SMIM36: variants seen among roughly 807,000 people sequenced by gnomAD.
SMIM36 encodes the protein small integral membrane protein 36.
intron 1 of SMIM36, among the ~76,000 whole-genome samples, chr17:55,509,099 C>G (rs2144723867): frequency 6.6e-6 from 1 of 152,006 alleles, no homozygotes; most frequent in East Asian, 1.9e-4. Flanking sequence ...AACCTGAAAA[C>G]AAAGTAACTG....
chr17:55,470,754 C>A (rs1221500453), intron 3 of SMIM36, among the ~76,000 whole-genome samples: 1 of 152,056 alleles, frequency 6.6e-6, no homozygotes, highest in East Asian at 1.9e-4. Flanking sequence ...ACCTCTATTC[C>A]CTCCTTGGTG....
intron 1 of SMIM36, among the ~76,000 whole-genome samples, chr17:55,492,466 G>A (rs1181395758): frequency 2.0e-5 from 3 of 151,192 alleles, no homozygotes; most frequent in Non-Finnish European, 2.9e-5. Context: ...GGATGGTCAC[G>A]ATCTCTTGAC....
chr17:55,521,350 A>G, the SMIM36 span, among the ~76,000 whole-genome samples: 1 of 152,186 alleles, frequency 6.6e-6, no homozygotes, highest in South Asian at 2.1e-4. Context: ...CATGCTAGCT[A>G]CCCTGTTTTA....
At chr17:55,487,023 G>A (rs1909618627) in intron 1 of SMIM36, among the ~76,000 whole-genome samples, 1 of 152,208 alleles carries the variant, frequency 6.6e-6, no homozygotes, top group African/African-American at 2.4e-5. Flanking sequence ...GCCTCTGGCT[G>A]CGAGTTGCTT....
chr17:55,468,240 C>T (rs1033542380), intron 3 of SMIM36: 3 of 152,420 alleles, frequency 2.0e-5, no homozygotes, highest in African/African-American at 7.2e-5. Flanking sequence ...TCTTCGCCCT[C>T]ACTCCGTGAG....
rs1380727835 is a variant in SMIM36 at position 55,501,794 on chromosome 17, T to A, written c.*174+9085A>T. Among the ~76,000 whole-genome samples, 4 of 151,282 alleles carry A rather than the reference T, an allele frequency of 2.6e-5. No individual in the cohort carries two copies. The East Asian group carries it at 7.8e-4, about 30-fold the overall frequency. On this transcript the variant is annotated intron_variant, in intron 1 of 4. Coordinates refer to ENST00000636752, the Ensembl canonical transcript of SMIM36. Reference sequence around the variant, plus strand: ...CGTGACCGACGCAGAAGACCGGTGATTTCTGCATTTCCATCTGAGGTACCG... The same window carrying A: ...CGTGACCGACGCAGAAGACCGGTGAATTCTGCATTTCCATCTGAGGTACCG...
the SMIM36 span, among the ~76,000 whole-genome samples, chr17:55,522,736 T>C: frequency 6.6e-6 from 1 of 152,176 alleles, no homozygotes; most frequent in Non-Finnish European, 1.5e-5. Flanking sequence ...CCTTTTCTCC[T>C]TTATTCTGCT....
chr17:55,484,444 G>A (rs1909571851), intron 1 of SMIM36, among the ~76,000 whole-genome samples: 1 of 152,188 alleles, frequency 6.6e-6, no homozygotes, highest in South Asian at 2.1e-4. Context: ...GAGATGAAAG[G>A]TAGACGAAGA....
intron 1 of SMIM36, among the ~76,000 whole-genome samples, chr17:55,480,313 T>C (rs950621892): frequency 6.6e-6 from 1 of 152,146 alleles, no homozygotes; most frequent in Admixed American, 6.5e-5. Context: ...TGCTAAATGT[T>C]TGGAAGCACA....
the SMIM36 span, among the ~76,000 whole-genome samples, chr17:55,530,908 G>A: frequency 6.6e-6 from 1 of 152,174 alleles, no homozygotes; most frequent in East Asian, 1.9e-4. Flanking sequence ...CCTTAGGCAA[G>A]TTCAACTATT....
At chr17:55,458,944 T>A (rs2143235432) in intron 4 of SMIM36, among the ~76,000 whole-genome samples, 1 of 152,274 alleles carries the variant, frequency 6.6e-6, no homozygotes, top group South Asian at 2.1e-4. Context: ...TCTGTCCTTG[T>A]GATAAGGAAG....
the SMIM36 span, among the ~76,000 whole-genome samples, chr17:55,520,095 C>T: frequency 2.7e-4 from 41 of 152,282 alleles, no homozygotes; most frequent in East Asian, 6.8e-3. Flanking sequence ...CTTCTCATGG[C>T]TACTGGTATT....
the SMIM36 span, chr17:55,527,205 A>C: frequency 6.6e-6 from 1 of 152,240 alleles, no homozygotes; most frequent in Non-Finnish European, 1.5e-5. Context: ...GAAAAAGAGA[A>C]AGGAAAAGTT....
chr17:55,517,815 T>A, the SMIM36 span, among the ~76,000 whole-genome samples: 4 of 152,188 alleles, frequency 2.6e-5, no homozygotes, highest in Non-Finnish European at 5.9e-5. Flanking sequence ...ATTTTAGACT[T>A]ATCAATATAT....
chr17:55,469,140 C>A (rs1909296553), intron 3 of SMIM36, among the ~76,000 whole-genome samples: 1 of 152,090 alleles, frequency 6.6e-6, no homozygotes, highest in African/African-American at 2.4e-5. Context: ...CCTCCCCAGG[C>A]TGCTCCTCAC....
intron 1 of SMIM36, among the ~76,000 whole-genome samples, chr17:55,499,428 C>A (rs9899292): frequency 0.52 from 79,469 of 152,006 alleles, 21,399 homozygotes; most frequent in African/African-American, 0.65. Flanking sequence ...GCCTTGTGCA[C>A]ACTCGAGCTG....
chr17:55,526,034 CA>C, the SMIM36 span, among the ~76,000 whole-genome samples: 1 of 152,078 alleles, frequency 6.6e-6, no homozygotes, highest in Non-Finnish European at 1.5e-5. Context: ...CAAATGTGGC[CA>C]ACAAGGCCAT....
upstream of SMIM36, among the ~76,000 whole-genome samples, chr17:55,511,628 A>G (rs1598460326): frequency 6.6e-6 from 1 of 152,234 alleles, no homozygotes; most frequent in African/African-American, 2.4e-5. Flanking sequence ...ATCATGGTAT[A>G]TAAGTAGAGC....
intron 1 of SMIM36, among the ~76,000 whole-genome samples, chr17:55,482,064 C>G (rs1909529746): frequency 6.6e-6 from 1 of 152,160 alleles, no homozygotes; most frequent in South Asian, 2.1e-4. Context: ...CTCCATTGAG[C>G]TGACCAACCA....
Sources: gnomAD v4.1 joint callset for allele counts (sites outside exome capture counted in the v4.1 genomes callset) on GRCh38, gnomAD v4.1.1 for gene constraint, MANE v1.5 for transcripts, NCBI Gene and HGNC (gene_info 2026-07-23, HGNC 2026-07-21) for gene names.